Variants in MEIKIN observed in about 807,000 individuals in gnomAD.
MEIKIN encodes meiosis-specific kinetochore protein.
intron 12 of MEIKIN, among the ~76,000 whole-genome samples, 152 bp from the exon 13 acceptor site, chr5:131,807,410 TA>T (rs879628169): frequency 5.8e-4 from 85 of 146,318 alleles, no homozygotes; most frequent in Middle Eastern, 7.1e-3. Context: ...AGAGGCCATT[TA>T]AAAAAAAAAA....
intron 8 of MEIKIN, among the ~76,000 whole-genome samples, chr5:131,906,426 A>G (rs1315074211): frequency 6.6e-6 from 1 of 152,226 alleles, no homozygotes; most frequent in African/African-American, 2.4e-5. Flanking sequence ...GGGAGTGTAA[A>G]TTATTTCAAC....
chr5:131,887,692 T>G (rs1484978951), intron 8 of MEIKIN, among the ~76,000 whole-genome samples: 1 of 152,034 alleles, frequency 6.6e-6, no homozygotes, highest in Non-Finnish European at 1.5e-5. Context: ...TTTTTTCTTG[T>G]AAATTTGTTT....
In MEIKIN at chr5:131,807,121, C is replaced by T; in HGVS notation, c.*115G>A. On this transcript the variant is annotated 3_prime_UTR_variant, in exon 13 of 13. Transcript: ENST00000442687. ...CAACATAGAGATATATCACAAATAA[C>T]TGGAGAATTTTTAATTTTTAATTTC... 1 of 396,762 alleles carries T rather than the reference C, an allele frequency of 2.5e-6. No individual in the cohort carries two copies. Among genetic ancestry groups the T allele is most frequent in the Non-Finnish European group, 4.4e-6 (1 of 225,174 alleles). The allele number at this position is 396,762 out of a possible 1,614,324, so 24.6% of individuals were successfully genotyped here.
At chr5:131,862,441 C>A (rs1750302821) in intron 9 of MEIKIN, among the ~76,000 whole-genome samples, 1 of 151,888 alleles carries the variant, frequency 6.6e-6, no homozygotes, top group Non-Finnish European at 1.5e-5. Flanking sequence ...TATTTCATTT[C>A]TTTCTGCTCT....
At chr5:131,856,260 C>G (rs576278687) in intron 9 of MEIKIN, among the ~76,000 whole-genome samples, 2 of 152,274 alleles carry the variant, frequency 1.3e-5, no homozygotes, top group African/African-American at 4.8e-5. Flanking sequence ...GTAAAAAGAA[C>G]CTATGGTGTC....
intron 2 of MEIKIN, 96 bp downstream of exon 2, chr5:131,945,060 C>T: frequency 2.5e-6 from 1 of 398,780 alleles, no homozygotes; most frequent in Middle Eastern, 6.3e-4. Flanking sequence ...TGTTTTGCTC[C>T]TTGACTGTTA....
At chr5:131,924,606 G>A (rs1751559573) in intron 5 of MEIKIN, among the ~76,000 whole-genome samples, 1 of 151,980 alleles carries the variant, frequency 6.6e-6, no homozygotes, top group South Asian at 2.1e-4. Context: ...ATACTTGCTG[G>A]CTATTGCTGC....
intron 9 of MEIKIN, among the ~76,000 whole-genome samples, chr5:131,869,108 T>G (rs776067997): frequency 6.6e-6 from 1 of 152,256 alleles, no homozygotes; most frequent in Non-Finnish European, 1.5e-5. Context: ...GTTTACAGTT[T>G]TGCATTTTAC....
At position 131,809,829 on chromosome 5, in the gene MEIKIN, A is replaced by AC. The variant is rs201946230; in HGVS notation, c.1100-2572_1100-2571insG. ...AAGCAAACAAACGAACAAAAAAAAA[A>AC]AAACAAACAAAACCAAAGAACAGTT... is the stretch of plus-strand genomic sequence containing the variant. On this transcript the variant is annotated intron_variant, in intron 12 of 12. Transcript: ENST00000442687. Among the ~76,000 whole-genome samples the AC allele has an allele frequency of 6.0e-4, 91 of 151,922 alleles. 2 individuals carry two copies. The East Asian group carries it at 0.015, about 25-fold the overall frequency.
intron 8 of MEIKIN, among the ~76,000 whole-genome samples, chr5:131,884,297 T>G (rs908467243): frequency 6.6e-6 from 1 of 151,996 alleles, no homozygotes; most frequent in Non-Finnish European, 1.5e-5. Context: ...TCCTTTTGCT[T>G]GAGGAGAAGA....
At chr5:131,867,041 C>A (rs921324799) in intron 9 of MEIKIN, among the ~76,000 whole-genome samples, 5 of 152,092 alleles carry the variant, frequency 3.3e-5, no homozygotes, top group Admixed American at 6.6e-5. Context: ...TCTCTATTTC[C>A]CTTCAGAGTC....
At chr5:131,870,902 G>A (rs895250738) in intron 9 of MEIKIN, among the ~76,000 whole-genome samples, 2 of 152,182 alleles carry the variant, frequency 1.3e-5, no homozygotes, top group African/African-American at 2.4e-5. Context: ...TGACAATCTA[G>A]TGTAGTAGAA....
intron 11 of MEIKIN, among the ~76,000 whole-genome samples, chr5:131,833,732 C>T (rs1749753405): frequency 6.6e-6 from 1 of 152,148 alleles, no homozygotes; most frequent in Admixed American, 6.5e-5. Context: ...CAATTACCTC[C>T]CAATGGGTCC....
At chr5:131,932,530 TC>T (rs1188683789) in intron 5 of MEIKIN, among the ~76,000 whole-genome samples, 1 of 143,544 alleles carries the variant, frequency 7.0e-6, no homozygotes, top group Non-Finnish European at 1.5e-5. Context: ...TGAAAGCTTT[TC>T]TTAAATTGTG....
intron 11 of MEIKIN, among the ~76,000 whole-genome samples, chr5:131,828,063 A>C (rs987752461): frequency 4.6e-5 from 7 of 152,022 alleles, no homozygotes; most frequent in Non-Finnish European, 1.0e-4. Flanking sequence ...TTAAGATTAG[A>C]AGATGTAGTA....
At chr5:131,913,979 G>A (rs1751369221) in intron 7 of MEIKIN, among the ~76,000 whole-genome samples, 1 of 152,158 alleles carries the variant, frequency 6.6e-6, no homozygotes, top group Admixed American at 6.5e-5. Flanking sequence ...GGATCATGAG[G>A]GCTCTGCCTT....
intron 12 of MEIKIN, among the ~76,000 whole-genome samples, chr5:131,816,753 G>C (rs1294080169): frequency 6.6e-6 from 1 of 152,184 alleles, no homozygotes; most frequent in Non-Finnish European, 1.5e-5. Context: ...TGTTATCAGA[G>C]ATAGAGATAG....
intron 11 of MEIKIN, among the ~76,000 whole-genome samples, chr5:131,820,074 C>T (rs1580858068): frequency 2.7e-5 from 3 of 112,860 alleles, no homozygotes; most frequent in African/African-American, 7.3e-5. Context: ...CGCGCCCGGC[C>T]TTTTTTTTTT....
intron 11 of MEIKIN, among the ~76,000 whole-genome samples, chr5:131,845,218 C>T (rs761260160): frequency 4.3e-5 from 6 of 139,700 alleles, no homozygotes; most frequent in Non-Finnish European, 6.0e-5. Flanking sequence ...TGCAGTGAGC[C>T]GAGATGGCAC....
Sources: allele counts gnomAD v4.1 joint callset (sites outside exome capture counted in the v4.1 genomes callset), GRCh38; gene constraint gnomAD v4.1.1; transcripts MANE v1.5; gene names NCBI Gene and HGNC (gene_info 2026-07-23, HGNC 2026-07-21).